The following NHS variants were observed in gnomAD, a reference collection of about 807,000 sequenced individuals.
The protein encoded by NHS is actin remodeling regulator NHS.
Under a neutral mutation model 72.5 loss-of-function variants are expected in NHS, and 5 were observed. The ratio of observed to expected loss-of-function variants is 0.07; its 90% CI spans 0.04 to 0.14. NHS has a LOEUF of 0.14. NHS is among the 10% of genes least tolerant of loss of function. The probability of loss-of-function intolerance (pLI) is 1.00; values close to 1 mark genes in which losing one functional copy is unlikely to be tolerated. For missense variants in NHS, 1,072 were observed against 1,355.7 expected (o/e 0.79, Z 3.29); for synonymous variants, 464 against 547.7 (o/e 0.85, Z 2.13).
intron 1 of NHS, among the ~76,000 whole-genome samples, chrX:17,442,029 A>G (rs1457706189): frequency 8.9e-6 from 1 of 112,103 alleles, no homozygotes; most frequent in African/African-American, 3.3e-5. Flanking sequence ...GAGGCCTGAG[A>G]ATTTGCATTA....
chrX:17,376,187 C>A lies in NHS; in HGVS notation c.430C>A (p.Arg144=). 1 of 1,190,666 alleles carries A rather than the reference C, an allele frequency of 8.4e-7. No individual in the cohort carries two copies. Among genetic ancestry groups the A allele is most frequent in the Non-Finnish European group, 1.1e-6 (1 of 890,851 alleles). The change falls in exon 1 of 9, where the codon CGG becomes AGG. Residue 144 remains arginine, a synonymous_variant. Coordinates refer to ENST00000676302, the MANE Select transcript of NHS (RefSeq NM_001291867.2). ...RVLRQLSDVA[R]HACSLFQELE... ...CCTCCGGCAGCTCTCGGACGTGGCC[C>A]GGCACGCTTGCAGCCTCTTCCAGGA...
At chrX:17,723,517 T>A (rs1278196658) in intron 5 of NHS, among the ~76,000 whole-genome samples, 2 of 111,978 alleles carry the variant, frequency 1.8e-5, no homozygotes, top group Non-Finnish European at 3.8e-5. Context: ...GGATAAAGAC[T>A]GGCAATTCCA....
chrX:17,613,791 G>A (rs780992193), intron 1 of NHS, among the ~76,000 whole-genome samples: 8 of 112,089 alleles, frequency 7.1e-5, no homozygotes, highest in Non-Finnish European at 1.1e-4. Flanking sequence ...GATAAATACT[G>A]AAGAGTGCAG....
chrX:17,673,752 C>T (rs2066063690), intron 1 of NHS, among the ~76,000 whole-genome samples: 1 of 111,869 alleles, frequency 8.9e-6, no homozygotes, highest in Non-Finnish European at 1.9e-5. Context: ...TAGGTTGGAT[C>T]ACAGGAAATT....
intron 8 of NHS, among the ~76,000 whole-genome samples, chrX:17,729,313 T>G (rs948620480): frequency 8.9e-6 from 1 of 111,900 alleles, no homozygotes; most frequent in African/African-American, 3.3e-5. Context: ...AAACTCACAT[T>G]GTACCCTATA....
chrX:17,695,485 T>A (rs2066222802), intron 3 of NHS, among the ~76,000 whole-genome samples: 1 of 111,763 alleles, frequency 8.9e-6, no homozygotes, highest in African/African-American at 3.3e-5. Context: ...TATAGTATAA[T>A]CTCAAAAAAT....
At chrX:17,675,761 A>T (rs1298504871) in intron 1 of NHS, among the ~76,000 whole-genome samples, 2 of 112,273 alleles carry the variant, frequency 1.8e-5, no homozygotes, top group Non-Finnish European at 3.8e-5. Flanking sequence ...AGAGCACATA[A>T]CTCATTACAA....
chrX:17,672,958 T>G (rs773620749), intron 1 of NHS, among the ~76,000 whole-genome samples: 10 of 110,741 alleles, frequency 9.0e-5, no homozygotes, highest in Non-Finnish European at 1.7e-4. Flanking sequence ...AGGTCTTGGA[T>G]GGCTTCACAA....
intron 1 of NHS, among the ~76,000 whole-genome samples, chrX:17,499,207 G>A (rs2065026694): frequency 9.0e-6 from 1 of 110,834 alleles, no homozygotes; most frequent in African/African-American, 3.3e-5. Flanking sequence ...GGTTGGCTAG[G>A]ATACTCCAGG....
At chrX:17,675,856 G>A (rs1448906556) in intron 1 of NHS, among the ~76,000 whole-genome samples, 1 of 111,901 alleles carries the variant, frequency 8.9e-6, no homozygotes, top group Non-Finnish European at 1.9e-5. Flanking sequence ...TTCTTTGTTG[G>A]CCCAATAAAG....
At chrX:17,416,976 A>G (rs2064599618) in intron 1 of NHS, among the ~76,000 whole-genome samples, 1 of 111,198 alleles carries the variant, frequency 9.0e-6, no homozygotes, top group Non-Finnish European at 1.9e-5. Flanking sequence ...CAAGAAATAG[A>G]AAGATAATTA....
At chrX:17,479,036 T>C (rs1569263306) in intron 1 of NHS, among the ~76,000 whole-genome samples, 1 of 111,652 alleles carries the variant, frequency 9.0e-6, no homozygotes, top group Non-Finnish European at 1.9e-5. Context: ...GTATTTCTCC[T>C]AATGCTATCC....
At chrX:17,505,177 A>T (rs2065051550) in intron 1 of NHS, among the ~76,000 whole-genome samples, 1 of 112,052 alleles carries the variant, frequency 8.9e-6, no homozygotes, top group East Asian at 2.8e-4. Context: ...GATGCAGAAT[A>T]TTTAAAACTT....
chrX:17,705,850 C>A (rs2066292209), intron 3 of NHS, among the ~76,000 whole-genome samples: 1 of 111,715 alleles, frequency 9.0e-6, no homozygotes, highest in Non-Finnish European at 1.9e-5. Context: ...CTGACAAACC[C>A]CAATTGAAGG....
intron 1 of NHS, among the ~76,000 whole-genome samples, chrX:17,422,414 A>C (rs982153333): frequency 9.0e-6 from 1 of 110,842 alleles, no homozygotes; most frequent in African/African-American, 3.3e-5. Flanking sequence ...TCAATCCATC[A>C]ATCTATAGGT....
At chrX:17,571,331 T>C (rs946816925) in intron 1 of NHS, among the ~76,000 whole-genome samples, 6 of 112,337 alleles carry the variant, frequency 5.3e-5, no homozygotes, top group African/African-American at 1.9e-4. Context: ...CTAGTAATTA[T>C]TGCCTCAATT....
At chrX:17,394,638 G>T in intron 1 of NHS, among the ~76,000 whole-genome samples, 1 of 111,402 alleles carries the variant, frequency 9.0e-6, no homozygotes, top group Middle Eastern at 4.6e-3. Flanking sequence ...CTCTTGTTTC[G>T]ATCCACTGCT....
At chrX:17,718,372 A>C in intron 3 of NHS, among the ~76,000 whole-genome samples, 1 of 91,493 alleles carries the variant, frequency 1.1e-5, no homozygotes, top group Non-Finnish European at 2.2e-5. Flanking sequence ...GGAAAGGAAG[A>C]AAGGAAGAGA....
In NHS at chrX:17,727,953, A is replaced by G. The variant is rs1307888350; in HGVS notation, c.3847A>G (p.Asn1283Asp). The change falls in exon 7 of 9, where the codon AAT becomes GAT. Residue 1283 changes from asparagine to aspartate, a missense_variant. By Grantham distance (23) the Asn-to-Asp change is conservative (BLOSUM62 1). Transcript: ENST00000676302. ...TCAGAGGGTCTCTGCTGCCCGCCCA[A>G]ATGATTTGGATGGTAAAATAATACA... ...GFQRVSAARP[N>D]DLDGKIIQYG... 19 of 1,209,570 alleles carry G rather than the reference A, an allele frequency of 1.6e-5. No homozygotes were observed. The highest frequency in any genetic ancestry group is 1.3e-5 in the Non-Finnish European group (12 of 895,219).
Sources: allele counts gnomAD v4.1 joint callset (sites outside exome capture counted in the v4.1 genomes callset), GRCh38; gene constraint gnomAD v4.1.1; transcripts MANE v1.5; gene names NCBI Gene and HGNC (gene_info 2026-07-23, HGNC 2026-07-21).